The following ZSCAN18 variants were observed in gnomAD, a reference collection of about 807,000 sequenced individuals.
ZSCAN18 encodes zinc finger and SCAN domain containing 18.
Under a neutral mutation model 31.1 loss-of-function variants are expected in ZSCAN18, and 16 were observed. The observed-to-expected ratio is 0.51, with a 90% CI of 0.35 to 0.78. The LOEUF is 0.78. Ranked by LOEUF, ZSCAN18 falls within the 30% of genes least tolerant of loss-of-function variation. The pLI, the probability that ZSCAN18 is intolerant of heterozygous loss-of-function variation, is 0.01. For synonymous variants in ZSCAN18, 375 were observed against 320.7 expected (o/e 1.17, Z -1.81); for missense variants, 731 against 697.4 (o/e 1.05, Z -0.54).
chr19:58,100,056 G>T (rs7250524), upstream of ZSCAN18, among the ~76,000 whole-genome samples: 84,178 of 150,110 alleles, frequency 0.56, 25,517 homozygotes, highest in Non-Finnish European at 0.68. Flanking sequence ...GACCTTCCAG[G>T]CTCAAGTGAT....
upstream of ZSCAN18, among the ~76,000 whole-genome samples, chr19:58,099,964 G>GTTTTTTTTTTTTTTTTTTTTTTTTTTTTT (rs55769261): frequency 7.3e-6 from 1 of 136,114 alleles, no homozygotes; most frequent in African/African-American, 2.7e-5. Flanking sequence ...TGAAAGCTAT[G>GTTTTTTTTTTTTTTTTTTTTTTTTTTTTT]TTTTTTTTTT....
intron 1 of ZSCAN18, among the ~76,000 whole-genome samples, chr19:58,105,555 GGA>G (rs1291095627): frequency 2.6e-5 from 4 of 152,006 alleles, no homozygotes; most frequent in Admixed American, 2.6e-4. Flanking sequence ...CAGCTACTCG[GGA>G]GGCTGAGGCA....
chr19:58,087,633 A>T, intron 3 of ZSCAN18: 1 of 517,442 alleles, frequency 1.9e-6, no homozygotes, highest in Non-Finnish European at 3.4e-6. Flanking sequence ...GATTCATGGA[A>T]ATCTTTTTTT....
chr19:58,085,236 G>C lies in ZSCAN18; in HGVS notation c.982C>G (p.Gln328Glu). 6.2e-7 allele frequency: 1 copy of C among 1,607,388 alleles called. No individual in the cohort carries two copies. Among genetic ancestry groups the C allele is most frequent in the Middle Eastern group, 1.7e-4 (1 of 6,046 alleles). Residue 328 changes from glutamine (Q) to glutamate (E), a missense_variant, in exon 7 of 7, where the codon CAG becomes GAG. By Grantham distance (29) the Gln-to-Glu change is conservative. Transcript: ENST00000601144. ...TGCGGGTCCGGGGCCTTCCCAGGCT[G>C]CTCTTCCTCCTCCTCAGTGGTGCCC... ...PSGTTEEEEE[Q>E]PGKAPDPQDP...
upstream of ZSCAN18, among the ~76,000 whole-genome samples, chr19:58,103,121 A>T (rs1231371030): frequency 1.2e-4 from 4 of 32,928 alleles, no homozygotes; most frequent in African/African-American, 2.1e-4. Context: ...GACTCTCTCT[A>T]AAAAAAAATA....
chr19:58,093,864 C>G (rs1409325679), intron 1 of ZSCAN18, among the ~76,000 whole-genome samples: 1 of 152,046 alleles, frequency 6.6e-6, no homozygotes, highest in East Asian at 1.9e-4. Context: ...CTCCTGGGTT[C>G]AAGCAGTTCT....
chr19:58,099,964 G>GTTTTT (rs55769261), upstream of ZSCAN18, among the ~76,000 whole-genome samples: 17,623 of 135,952 alleles, frequency 0.13, 1,814 homozygotes, highest in East Asian at 0.3. Context: ...TGAAAGCTAT[G>GTTTTT]TTTTTTTTTT....
At chr19:58,111,037 G>A (rs964634841) in intron 1 of ZSCAN18, among the ~76,000 whole-genome samples, 7 of 151,996 alleles carry the variant, frequency 4.6e-5, no homozygotes, top group Non-Finnish European at 1.0e-4. Context: ...GCGTGGTGGC[G>A]GGCGCCTGTA....
rs1038789384 is a variant in ZSCAN18 at position 58,086,683 on chromosome 19, C to T, written c.745+223G>A. On this transcript the variant is annotated intron_variant, in intron 5 of 6. Coordinates refer to ENST00000601144, the MANE Select transcript of ZSCAN18 (RefSeq NM_001145543.2). ...GGGGCCAGGAGGCCTTTCCAAATTCCGAGGCTTCAGTCCTACAGGCAGGGC... is the reference window on the plus strand; with the variant it reads ...GGGGCCAGGAGGCCTTTCCAAATTCTGAGGCTTCAGTCCTACAGGCAGGGC... 13 of 519,448 alleles carry T rather than the reference C, an allele frequency of 2.5e-5. 1 individual carries two copies. Among genetic ancestry groups the T allele is most frequent in the Admixed American group, 7.3e-5 (2 of 27,578 alleles). 32.2% of individuals were successfully genotyped at this position (519,448 alleles called of 1,614,324 possible).
At chr19:58,089,777 T>A in intron 2 of ZSCAN18, 88 bp downstream of exon 2, 3 of 1,485,882 alleles carry the variant, frequency 2.0e-6, no homozygotes, top group Non-Finnish European at 2.7e-6. Context: ...AACTTAACTA[T>A]CTCAGGCAAG....
chr19:58,100,323 G>A (rs1440636111), upstream of ZSCAN18, among the ~76,000 whole-genome samples: 3 of 152,126 alleles, frequency 2.0e-5, no homozygotes, highest in Non-Finnish European at 2.9e-5. Context: ...CTAAGGTCTG[G>A]TCAGGGGCAC....
rs200894425 is a variant in ZSCAN18, at chr19:58,084,798, C to T, written c.1420G>A (p.Ala474Thr). Residue 474 changes from alanine (A) to threonine (T), a missense_variant, in exon 7 of 7, where the codon GCC becomes ACC. Ala to Thr is a moderately conservative substitution (Grantham distance 58, BLOSUM62 0). This residue lies in a region of ZSCAN18 where 597 missense variants were observed against 499.5 expected (regional missense o/e 1.20). Transcript: ENST00000601144. This position sits in a 1 kb window ranked among gnomAD's most constrained non-coding sequence, Gnocchi z 4.5. ...EKEKSYALGG[A>T]RGPQPSTREA... is the part of the protein sequence containing the mutation. ...CGGGTGGACGGTTGGGGGCCCCGGG[C>T]GCCCCCCAGCGCGTAGCTTTTCTCC... 2.1e-4 allele frequency: 339 copies of T among 1,577,410 alleles called. 1 individual carries two copies. In the African/African-American group the frequency reaches 4.0e-3, roughly 18 times the overall value.
intron 5 of ZSCAN18, 66 bp from the exon 6 acceptor site, chr19:58,086,332 G>T: frequency 1.4e-6 from 2 of 1,476,050 alleles, no homozygotes; most frequent in Non-Finnish European, 1.9e-6. Context: ...GGTGTTGTGT[G>T]TCGTGGGCCA....
Position 58,089,304 on chromosome 19 carries a change from A to C in ZSCAN18, c.404-467T>G, listed in dbSNP as rs1169819768. Among the ~76,000 whole-genome samples the C allele has an allele frequency of 8.2e-3, 81 of 9,858 alleles. 2 individuals carry two copies. The highest frequency in any genetic ancestry group is 0.02 in the African/African-American group (68 of 3,476). The allele number at this position is 9,858 out of a possible 152,430, so 6.5% of individuals were successfully genotyped here. On this transcript the variant is annotated intron_variant, in intron 2 of 6. Coordinates refer to ENST00000601144, the MANE Select transcript of ZSCAN18 (RefSeq NM_001145543.2). Reference sequence around the variant, plus strand: ...GGCGACAGAGCGAGACTCCGTCTCAAAAAAAAAAAAAAAAAAAAAAAAAAA... The same window carrying C: ...GGCGACAGAGCGAGACTCCGTCTCACAAAAAAAAAAAAAAAAAAAAAAAAA...
At chr19:58,098,374 T>C, upstream of ZSCAN18, 1 of 985,514 alleles carries the variant, frequency 1.0e-6, no homozygotes, top group Non-Finnish European at 1.2e-6. Flanking sequence ...GAGTGTGGCC[T>C]CCCGGCGTCC....
At chr19:58,109,946 T>C (rs2074666845) in intron 1 of ZSCAN18, among the ~76,000 whole-genome samples, 1 of 152,150 alleles carries the variant, frequency 6.6e-6, no homozygotes, top group South Asian at 2.1e-4. Flanking sequence ...CAGGTTCTGG[T>C]TATGTTGCCC....
chr19:58,102,643 A>G (rs2074604604), upstream of ZSCAN18, among the ~76,000 whole-genome samples: 1 of 152,206 alleles, frequency 6.6e-6, no homozygotes, highest in African/African-American at 2.4e-5. Flanking sequence ...ACAATGGCAC[A>G]CAGACTTGCC....
chr19:58,118,026 T>C (rs530868083), intron 1 of ZSCAN18, among the ~76,000 whole-genome samples: 1 of 151,590 alleles, frequency 6.6e-6, no homozygotes, highest in Non-Finnish European at 1.5e-5. Context: ...GGAGAGGCGT[T>C]AGGGGGTCCG....
At chr19:58,086,618 GC>G in intron 5 of ZSCAN18, 2 of 496,122 alleles carry the variant, frequency 4.0e-6, no homozygotes, top group Non-Finnish European at 7.1e-6. Context: ...TGCAGGTGAG[GC>G]CCTGTATCTG....
Sources: gnomAD v4.1 joint callset for allele counts (sites outside exome capture counted in the v4.1 genomes callset) on GRCh38, gnomAD v4.1.1 for gene constraint, gnomAD v4.1.1 regional missense constraint, Gnocchi (gnomAD v3.1) non-coding constraint, MANE v1.5 for transcripts, NCBI Gene and HGNC (gene_info 2026-07-23, HGNC 2026-07-21) for gene names.